The following MAST2 variants were observed in gnomAD, a reference collection of about 807,000 sequenced individuals.
MAST2 encodes microtubule-associated serine/threonine-protein kinase 2.
Under a neutral mutation model 147.4 loss-of-function variants are expected in MAST2, and 70 were observed. The ratio of observed to expected loss-of-function variants is 0.47; its 90% CI spans 0.39 to 0.58. The LOEUF (loss-of-function observed/expected upper bound fraction) is 0.58, where lower values mean the gene tolerates loss of function less well. Ranked by LOEUF, MAST2 falls within the 20% of genes least tolerant of loss-of-function variation. The pLI is 0.00. For missense variants in MAST2, 2,080 were observed against 2,302.3 expected (o/e 0.90, Z 1.98); for synonymous variants, 869 against 896.8 (o/e 0.97, Z 0.55).
intron 5 of MAST2, among the ~76,000 whole-genome samples, chr1:45,990,570 T>C (rs1334382514): frequency 6.6e-6 from 1 of 152,170 alleles, no homozygotes; most frequent in East Asian, 1.9e-4. Context: ...CACAGCCCAC[T>C]ACAGCCCAAG....
At chr1:46,000,268 C>T (rs1194164230) in intron 6 of MAST2, among the ~76,000 whole-genome samples, 2 of 152,142 alleles carry the variant, frequency 1.3e-5, no homozygotes, top group Admixed American at 1.3e-4. Flanking sequence ...GAGCCGAGAT[C>T]GTGCCACTGC....
chr1:45,931,377 G>GTTTTTTTTTTTTTTTTTTTTTT (rs71587091), intron 4 of MAST2, among the ~76,000 whole-genome samples: 1 of 101,224 alleles, frequency 9.9e-6, no homozygotes, highest in Non-Finnish European at 1.8e-5. Context: ...ATTGTGTTCT[G>GTTTTTTTTTTTTTTTTTTTTTT]TTTTTTTTTT....
At chr1:45,858,940 G>C (rs1348971241) in intron 3 of MAST2, among the ~76,000 whole-genome samples, 5 of 152,112 alleles carry the variant, frequency 3.3e-5, no homozygotes, top group Non-Finnish European at 7.3e-5. Flanking sequence ...TATTATTTCT[G>C]AGGGCTCTGT....
chr1:45,919,881 A>G (rs185399618), intron 4 of MAST2, among the ~76,000 whole-genome samples: 61 of 152,070 alleles, frequency 4.0e-4, no homozygotes, highest in Middle Eastern at 3.4e-3. Context: ...CATGCCATGC[A>G]AAGTGCCAGT....
At chr1:46,017,757 G>T (rs1384299225) in intron 10 of MAST2, among the ~76,000 whole-genome samples, 15 of 152,152 alleles carry the variant, frequency 9.9e-5, no homozygotes, top group African/African-American at 2.7e-4. Context: ...GAAGTCAGTG[G>T]GGCGATTCCT....
chr1:45,838,204 T>TTA (rs1342772326), intron 3 of MAST2, among the ~76,000 whole-genome samples: 1 of 147,654 alleles, frequency 6.8e-6, no homozygotes, highest in African/African-American at 2.5e-5. Flanking sequence ...TATTTGCCAA[T>TTA]TATATATATT....
At chr1:46,025,540 G>A (rs1274668111) in intron 15 of MAST2, 137 bp from the exon 16 acceptor site, 28 of 1,021,318 alleles carry the variant, frequency 2.7e-5, no homozygotes, top group Non-Finnish European at 2.9e-5. Context: ...CAGCAAAGGG[G>A]CTAGAATCAG....
At chr1:46,019,837 T>C (rs948770383) in intron 11 of MAST2, 140 bp downstream of exon 11, 8 of 723,406 alleles carry the variant, frequency 1.1e-5, no homozygotes, top group South Asian at 1.7e-5. Flanking sequence ...TTTGCCACCA[T>C]TGGGGGACTA....
At chr1:45,953,069 C>A (rs897405673) in intron 4 of MAST2, among the ~76,000 whole-genome samples, 1 of 152,040 alleles carries the variant, frequency 6.6e-6, no homozygotes, top group African/African-American at 2.4e-5. Flanking sequence ...TAAAAGCGAT[C>A]TAGGATCTTT....
intron 1 of MAST2, among the ~76,000 whole-genome samples, chr1:45,817,277 T>G (rs553744963): frequency 6.6e-6 from 1 of 152,156 alleles, no homozygotes; most frequent in Non-Finnish European, 1.5e-5. Context: ...TCTCAAGGCA[T>G]TTAATAATCA....
chr1:45,824,569 G>A lies in MAST2; in HGVS notation c.314G>A (p.Ser105Asn), dbSNP rs1351246749. ...AAGTTATGGAGAGGAAACCTGGCCA[G>A]CTCTCTATCGGGTAAATATCTGATT... ...DCKLWRGNLA[S>N]SLSGKQLLPL... Residue 105 changes from serine (S) to asparagine (N), a missense_variant, in exon 2 of 29, where the codon AGC (serine) becomes AAC (asparagine). Physicochemically the swap from Ser to Asn is conservative, Grantham distance 46. Transcript: ENST00000361297. 6 of 1,595,846 alleles carry A rather than the reference G, an allele frequency of 3.8e-6. No individual in the cohort carries two copies. Among genetic ancestry groups the A allele is most frequent in the Non-Finnish European group, 3.4e-6 (4 of 1,168,968 alleles).
At chr1:45,946,679 A>G (rs767964736) in intron 4 of MAST2, among the ~76,000 whole-genome samples, 40 of 152,182 alleles carry the variant, frequency 2.6e-4, no homozygotes, top group African/African-American at 8.4e-4. Flanking sequence ...GCTATAAGAT[A>G]TAGTGAAAGG....
chr1:45,954,642 G>A (rs1031813497), intron 4 of MAST2, among the ~76,000 whole-genome samples: 16 of 152,134 alleles, frequency 1.1e-4, no homozygotes, highest in African/African-American at 3.6e-4. Context: ...ATCTTCTTAG[G>A]ATCCTGGGGA....
intron 4 of MAST2, among the ~76,000 whole-genome samples, chr1:45,930,387 G>GTTTTT (rs916477476): frequency 1.2e-3 from 117 of 98,828 alleles, no homozygotes; most frequent in African/African-American, 4.4e-3. Flanking sequence ...CCTGTTTTTT[G>GTTTTT]TTTTTTTTGT....
Position 46,035,565 on chromosome 1 carries a change from C to T in MAST2, c.4896C>T (p.Pro1632=). The T allele has an allele frequency of 6.2e-7, 1 of 1,613,632 alleles. No homozygotes were observed. Residue 1632 remains proline (P), a synonymous_variant, in exon 29 of 29, where the codon CCC becomes CCT. Coordinates refer to ENST00000361297, the MANE Select transcript of MAST2 (RefSeq NM_015112.3). This position sits in a 1 kb window ranked among gnomAD's most constrained non-coding sequence, Gnocchi z 5.5. ...CCCAGGCACTAACAGCACTTTCTCC[C>T]AGCACTTCGGGACTCACCCCCACCA... ...LHTQALTALS[P]STSGLTPTSS... is the part of the protein sequence containing the mutation.
chr1:45,921,080 C>T (rs534231354), intron 4 of MAST2, among the ~76,000 whole-genome samples: 22 of 152,290 alleles, frequency 1.4e-4, no homozygotes, highest in African/African-American at 5.1e-4. Context: ...ACTGCAAGCT[C>T]CATCTCCCGG....
intron 10 of MAST2, among the ~76,000 whole-genome samples, chr1:46,017,728 A>C (rs1001270701): frequency 1.3e-5 from 2 of 152,128 alleles, no homozygotes; most frequent in African/African-American, 4.8e-5. Context: ...TGGGACTGTA[A>C]ACTAGTTCAA....
rs200400682 is a variant in MAST2, at chr1:46,035,499, C to T, written c.4830C>T (p.Pro1610=). 1.2e-6 allele frequency: 2 copies of T among 1,613,324 alleles called. No homozygotes were observed. The highest frequency in any genetic ancestry group is 1.7e-6 in the Non-Finnish European group (2 of 1,179,988). Residue 1610 remains proline, a synonymous_variant, in exon 29 of 29, where the codon CCC becomes CCT. Transcript: ENST00000361297. The surrounding 1 kb of genome is among the most constrained non-coding windows in gnomAD (Gnocchi z 5.5). ...TAGGTCAGTCTGGAGCCACAGACCC[C>T]ATCCCTCCTGAAGGTTGCTGGAAGG... The part of the protein sequence containing the change: ...PNLGQSGATD[P]IPPEGCWKAQ...
intron 5 of MAST2, among the ~76,000 whole-genome samples, chr1:45,969,655 C>T (rs1045104498): frequency 2.6e-5 from 4 of 151,806 alleles, no homozygotes; most frequent in Non-Finnish European, 1.5e-5. Context: ...CAGATAGGAC[C>T]ATCTAGTTGC....
Sources: gnomAD v4.1 joint callset for allele counts (sites outside exome capture counted in the v4.1 genomes callset) on GRCh38, gnomAD v4.1.1 for gene constraint, Gnocchi (gnomAD v3.1) non-coding constraint, MANE v1.5 for transcripts, NCBI Gene and HGNC (gene_info 2026-07-23, HGNC 2026-07-21) for gene names.